The following ZMAT4 variants were observed in gnomAD, a reference collection of about 807,000 sequenced individuals.
The protein encoded by ZMAT4 is zinc finger matrin-type protein 4.
Under a neutral mutation model 28.7 loss-of-function variants are expected in ZMAT4, and 17 were observed. The ratio of observed to expected loss-of-function variants is 0.59; its 90% confidence interval spans 0.41 to 0.89. ZMAT4 has a LOEUF of 0.89. Among genes scored for constraint, ZMAT4 ranks in the 40% least tolerant of loss-of-function variants. ZMAT4 has a pLI of 0.00. For synonymous variants in ZMAT4, 117 were observed against 109.2 expected, an observed-to-expected ratio of 1.07 and a Z score of -0.44; for missense variants, 240 against 283.8, an observed-to-expected ratio of 0.85 and a Z score of 1.11.
chr8:40,797,315 C>T (rs1814642808), intron 2 of ZMAT4, among the ~76,000 whole-genome samples: 1 of 152,220 alleles, frequency 6.6e-6, no homozygotes, highest in African/African-American at 2.4e-5. Context: ...ACACTTGTGC[C>T]TCACACATTA....
rs187617262 is a variant in ZMAT4 at position 40,833,771 on chromosome 8, C to A, written c.-4-8091G>T. ...AGCAGGGTGAAGGTCAAGTACACAG[C>A]CAGCTTGAAGGACCTTTTCAATTCC... On this transcript the variant is annotated intron_variant, in intron 1 of 6. Coordinates refer to ENST00000297737, the MANE Select transcript of ZMAT4 (RefSeq NM_024645.3). Among the ~76,000 whole-genome samples the A allele has an allele frequency of 1.0e-3, 156 of 152,234 alleles. 1 individual carries two copies. Among genetic ancestry groups the A allele is most frequent in the African/African-American group, 3.6e-3 (149 of 41,540 alleles).
At chr8:40,894,431 C>G (rs1275694737) in intron 1 of ZMAT4, among the ~76,000 whole-genome samples, 2 of 151,948 alleles carry the variant, frequency 1.3e-5, no homozygotes, top group Non-Finnish European at 2.9e-5. Context: ...CCTGAAATGA[C>G]AGGAAGGAAG....
At chr8:40,615,104 C>G (rs924179101) in intron 5 of ZMAT4, among the ~76,000 whole-genome samples, 20 of 152,224 alleles carry the variant, frequency 1.3e-4, no homozygotes, top group African/African-American at 3.9e-4. Flanking sequence ...TTCAGGAGCT[C>G]TTTTAGGGCA....
At chr8:40,638,373 T>C (rs541543955) in intron 5 of ZMAT4, among the ~76,000 whole-genome samples, 2 of 152,348 alleles carry the variant, frequency 1.3e-5, no homozygotes, top group South Asian at 2.1e-4. Context: ...GTTAAAACAA[T>C]AGACACATCT....
At chr8:40,700,406 CTTTTCTTTTTT>C (rs1473985029) in intron 3 of ZMAT4, among the ~76,000 whole-genome samples, 1 of 60,768 alleles carries the variant, frequency 1.6e-5, no homozygotes, top group Non-Finnish European at 3.1e-5. Flanking sequence ...GAAGCTGCTG[CTTTTCTTTTTT>C]TTTTTTTTTT....
intron 5 of ZMAT4, among the ~76,000 whole-genome samples, chr8:40,594,817 T>C (rs1362411767): frequency 6.6e-6 from 1 of 152,138 alleles, no homozygotes; most frequent in African/African-American, 2.4e-5. Flanking sequence ...TATACCCATC[T>C]TTTTTGACAG....
chr8:40,888,998 G>A (rs1201524676), intron 1 of ZMAT4, among the ~76,000 whole-genome samples: 1 of 152,186 alleles, frequency 6.6e-6, no homozygotes, highest in African/African-American at 2.4e-5. Context: ...AGCATGGTGT[G>A]GGGCAGTAAA....
chr8:40,838,145 T>C (rs1310105855), intron 1 of ZMAT4, among the ~76,000 whole-genome samples: 1 of 152,158 alleles, frequency 6.6e-6, no homozygotes, highest in Non-Finnish European at 1.5e-5. Flanking sequence ...ATCTCATCAC[T>C]CCACCGCTTA....
chr8:40,534,902 C>T (rs543408585), intron 6 of ZMAT4, among the ~76,000 whole-genome samples: 1 of 152,056 alleles, frequency 6.6e-6, no homozygotes, highest in African/African-American at 2.4e-5. Context: ...ATGCTGGTCT[C>T]AAACTCCTGA....
At chr8:40,671,196 G>T (rs1196760369) in intron 5 of ZMAT4, among the ~76,000 whole-genome samples, 2 of 152,150 alleles carry the variant, frequency 1.3e-5, no homozygotes, top group Non-Finnish European at 2.9e-5. Flanking sequence ...AGATGTTGGT[G>T]AGGCTATGGA....
intron 3 of ZMAT4, among the ~76,000 whole-genome samples, chr8:40,730,314 C>A (rs553403945): frequency 2.4e-4 from 36 of 152,230 alleles, no homozygotes; most frequent in Non-Finnish European, 3.4e-4. Flanking sequence ...CTAATGATTT[C>A]ACATATATGA....
chr8:40,599,809 C>A (rs1454376964), intron 5 of ZMAT4, among the ~76,000 whole-genome samples: 1 of 152,204 alleles, frequency 6.6e-6, no homozygotes, highest in Non-Finnish European at 1.5e-5. Flanking sequence ...TGGTGGGAGG[C>A]ATAGGGGGGC....
intron 1 of ZMAT4, among the ~76,000 whole-genome samples, chr8:40,845,004 C>T (rs1449514107): frequency 6.6e-6 from 1 of 152,190 alleles, no homozygotes; most frequent in Non-Finnish European, 1.5e-5. Context: ...ATAAACTGCA[C>T]ATACTCATGC....
chr8:40,588,173 A>G (rs977813223), intron 5 of ZMAT4, among the ~76,000 whole-genome samples: 2 of 152,076 alleles, frequency 1.3e-5, no homozygotes, highest in Non-Finnish European at 2.9e-5. Flanking sequence ...CATAAAAACA[A>G]GAAATATCTT....
At chr8:40,748,984 C>T (rs886645099) in intron 3 of ZMAT4, among the ~76,000 whole-genome samples, 11 of 151,896 alleles carry the variant, frequency 7.2e-5, no homozygotes, top group Admixed American at 1.3e-4. Context: ...CTTGTGGAAG[C>T]GCATAAGTCT....
chr8:40,760,303 C>T lies in ZMAT4; in HGVS notation c.192+7338G>A, dbSNP rs888491099. Among the ~76,000 whole-genome samples, 10 of 152,138 alleles carry T rather than the reference C, an allele frequency of 6.6e-5. No individual in the cohort carries two copies. In the South Asian group the frequency reaches 8.3e-4, roughly 13 times the overall value. On this transcript the variant is annotated intron_variant, in intron 3 of 6. Coordinates refer to ENST00000297737, the MANE Select transcript of ZMAT4 (RefSeq NM_024645.3). ...GACTTCCATATATGATCAGTCCTTA[C>T]CTAAGTGCTGATTTTTTTCTTTTAT...
At chr8:40,725,009 C>T (rs756045025) in intron 3 of ZMAT4, among the ~76,000 whole-genome samples, 5 of 152,130 alleles carry the variant, frequency 3.3e-5, no homozygotes, top group Non-Finnish European at 5.9e-5. Context: ...ATTAATAGTG[C>T]TAAAATTATG....
In ZMAT4 at chr8:40,808,413, G is replaced by T. The variant is rs558685540; in HGVS notation, c.102+17162C>A. 119 of 337,150 alleles carry T rather than the reference G, an allele frequency of 3.5e-4. 5 individuals carry two copies. Among genetic ancestry groups the T allele is most frequent in the South Asian group, 2.7e-3 (118 of 44,062 alleles). 20.9% of individuals were successfully genotyped at this position (337,150 alleles called of 1,614,324 possible). On this transcript the variant is annotated intron_variant, in intron 2 of 6. Coordinates refer to ENST00000297737, the MANE Select transcript of ZMAT4 (RefSeq NM_024645.3). ...GAAAAAAAAAAGACAGCATATTTTG[G>T]CTTTTTATTACAGGATATTTAAGAG...
chr8:40,873,568 T>C (rs1375423238), intron 1 of ZMAT4, among the ~76,000 whole-genome samples: 2 of 152,118 alleles, frequency 1.3e-5, no homozygotes, highest in South Asian at 2.1e-4. Flanking sequence ...CTAGGCAAGA[T>C]GGCTTCTCCT....
Sources: gnomAD v4.1 joint callset for allele counts (sites outside exome capture counted in the v4.1 genomes callset) on GRCh38, gnomAD v4.1.1 for gene constraint, MANE v1.5 for transcripts, NCBI Gene and HGNC (gene_info 2026-07-23, HGNC 2026-07-21) for gene names.